WWOX: variants seen among roughly 807,000 people sequenced by gnomAD.
WWOX encodes the protein WW domain-containing oxidoreductase.
WWOX carries 69 observed loss-of-function variants against 46.2 expected under a neutral mutation model. The observed-to-expected ratio is 1.49, with a 90% CI of 1.23 to 1.82. The LOEUF is 1.82. WWOX is among the 40% of genes most tolerant of loss of function. WWOX has a pLI of 0.00. For missense variants in WWOX, 919 were observed against 542.6 expected (o/e 1.69, Z -6.89); for synonymous variants, 359 against 202.6 (o/e 1.77, Z -6.56).
intron 8 of WWOX, among the ~76,000 whole-genome samples, chr16:79,024,317 G>A (rs534006414): frequency 6.6e-6 from 1 of 152,248 alleles, no homozygotes; most frequent in East Asian, 1.9e-4. Context: ...GTGGTGCAGT[G>A]GCACAGTCAC....
intron 8 of WWOX, among the ~76,000 whole-genome samples, chr16:78,854,224 G>A (rs891903331): frequency 2.0e-5 from 3 of 152,148 alleles, no homozygotes; most frequent in Middle Eastern, 3.4e-3. Context: ...TGCTTATAAT[G>A]AGCTTGTATT....
At chr16:78,332,364 G>A (rs935416722) in intron 5 of WWOX, among the ~76,000 whole-genome samples, 1 of 152,184 alleles carries the variant, frequency 6.6e-6, no homozygotes, top group African/African-American at 2.4e-5. Flanking sequence ...GTGCCTTCTA[G>A]CCAAGAATGG....
At chr16:78,926,676 G>C (rs2045505990) in intron 8 of WWOX, among the ~76,000 whole-genome samples, 2 of 152,192 alleles carry the variant, frequency 1.3e-5, no homozygotes, top group Admixed American at 6.5e-5. Context: ...TTTATCATTT[G>C]TTCAGGTGTT....
chr16:78,994,944 T>C (rs1362919731), intron 8 of WWOX, among the ~76,000 whole-genome samples: 2 of 150,296 alleles, frequency 1.3e-5, no homozygotes, highest in African/African-American at 4.9e-5. Flanking sequence ...CTTTTTTTTT[T>C]CTTTCTTTTC....
intron 8 of WWOX, among the ~76,000 whole-genome samples, chr16:78,880,121 C>G (rs1340778392): frequency 6.6e-6 from 1 of 152,078 alleles, no homozygotes; most frequent in Admixed American, 6.5e-5. Flanking sequence ...AATAAGAAAA[C>G]TGGGGTCTAT....
chr16:78,425,775 T>A (rs2083061567), intron 7 of WWOX, among the ~76,000 whole-genome samples: 1 of 152,282 alleles, frequency 6.6e-6, no homozygotes, highest in East Asian at 1.9e-4. Context: ...TTAGGGAGAT[T>A]TCTCTTTCAC....
chr16:78,486,223 A>C (rs544891535), intron 8 of WWOX, among the ~76,000 whole-genome samples: 2 of 152,264 alleles, frequency 1.3e-5, no homozygotes, highest in South Asian at 4.1e-4. Flanking sequence ...GGCTGATTTC[A>C]AGTTGCAGCT....
At chr16:78,355,758 C>G in intron 5 of WWOX, 1 of 710,880 alleles carries the variant, frequency 1.4e-6, no homozygotes, top group Non-Finnish European at 2.5e-6. Flanking sequence ...TATGAATCAA[C>G]AAAACAGAAT....
chr16:78,104,125 G>C (rs538190524), intron 1 of WWOX, among the ~76,000 whole-genome samples: 2 of 152,094 alleles, frequency 1.3e-5, no homozygotes, highest in African/African-American at 4.8e-5. Context: ...CTCTTATGAA[G>C]CTCAGGCCTT....
chr16:78,914,555 G>C (rs1392981114), intron 8 of WWOX, among the ~76,000 whole-genome samples: 1 of 151,882 alleles, frequency 6.6e-6, no homozygotes, highest in Non-Finnish European at 1.5e-5. Context: ...ACAGAGTGTG[G>C]GATCAAGAAC....
At chr16:78,649,092 G>C (rs1247504408) in intron 8 of WWOX, among the ~76,000 whole-genome samples, 3 of 152,142 alleles carry the variant, frequency 2.0e-5, no homozygotes, top group African/African-American at 7.2e-5. Flanking sequence ...TCCTGCCTCA[G>C]TCTCCCAAGT....
At chr16:78,968,062 T>C (rs1410805391) in intron 8 of WWOX, among the ~76,000 whole-genome samples, 1 of 151,504 alleles carries the variant, frequency 6.6e-6, no homozygotes, top group African/African-American at 2.4e-5. Flanking sequence ...CATGGCACAG[T>C]GTGTGGTCTG....
intron 8 of WWOX, among the ~76,000 whole-genome samples, chr16:78,722,655 G>T (rs968960935): frequency 6.6e-6 from 1 of 151,206 alleles, no homozygotes; most frequent in African/African-American, 2.4e-5. Flanking sequence ...GTAGAAGAGG[G>T]ATGTAACTGG....
At position 78,666,709 on chromosome 16, in the gene WWOX, G is replaced by T. The variant is rs116972008; in HGVS notation, c.1056+233957G>T. ...AGAGCAGGTCCATTAATTCAGGGGG[G>T]ATTTACATCAGTTCCATCTGCCTCT... On this transcript the variant is annotated intron_variant, in intron 8 of 8. Coordinates refer to ENST00000566780, the MANE Select transcript of WWOX (RefSeq NM_016373.4). Among the ~76,000 whole-genome samples the T allele has an allele frequency of 4.8e-4, 73 of 152,312 alleles. 1 individual carries two copies. In the East Asian group the frequency reaches 0.013, roughly 27 times the overall value.
chr16:78,702,681 A>G (rs2048250285), intron 8 of WWOX, among the ~76,000 whole-genome samples: 1 of 146,888 alleles, frequency 6.8e-6, no homozygotes, highest in Non-Finnish European at 1.5e-5. Context: ...AAAAAAAAAG[A>G]AATGATGTAA....
rs1350247252 is a variant in WWOX, at chr16:78,750,699, G to A, written c.1056+317947G>A. Among the ~76,000 whole-genome samples, 4 of 152,082 alleles carry A rather than the reference G, an allele frequency of 2.6e-5. 1 individual carries two copies. The highest frequency in any genetic ancestry group is 1.5e-5 in the Non-Finnish European group (1 of 68,026). ...CTATTGTTCCTGTCTTCATGCCCAT[G>A]TGTACGCAGTGTTGAGCTTCGACTT... On this transcript the variant is annotated intron_variant, in intron 8 of 8. Coordinates refer to ENST00000566780, the MANE Select transcript of WWOX (RefSeq NM_016373.4).
chr16:78,319,894 T>G (rs1425059757), intron 5 of WWOX, among the ~76,000 whole-genome samples: 1 of 152,164 alleles, frequency 6.6e-6, no homozygotes, highest in African/African-American at 2.4e-5. Flanking sequence ...AGGCACTTTT[T>G]CCAGTTTTCC....
chr16:79,161,503 T>C (rs954896820), intron 8 of WWOX, among the ~76,000 whole-genome samples: 4 of 152,120 alleles, frequency 2.6e-5, no homozygotes, highest in Non-Finnish European at 4.4e-5. Flanking sequence ...GAATAAGTTA[T>C]GTCTAAGTTT....
At chr16:78,154,008 C>A (rs1328489133) in intron 4 of WWOX, among the ~76,000 whole-genome samples, 1 of 152,096 alleles carries the variant, frequency 6.6e-6, no homozygotes, top group East Asian at 1.9e-4. Context: ...CCTGTCCAAC[C>A]TACCAGTGAG....
Sources: gnomAD v4.1 joint callset for allele counts (sites outside exome capture counted in the v4.1 genomes callset) on GRCh38, gnomAD v4.1.1 for gene constraint, MANE v1.5 for transcripts, NCBI Gene and HGNC (gene_info 2026-07-23, HGNC 2026-07-21) for gene names.